The following ARL14 variants were observed in gnomAD, a reference collection of about 807,000 sequenced individuals.
ARL14 encodes the protein ARF like GTPase 14.
Under a neutral mutation model 1.1 loss-of-function variants are expected in ARL14, and 3 were observed. The observed-to-expected ratio is 2.82, with a 90% CI of 1.28 to 7.28. The LOEUF (loss-of-function observed/expected upper bound fraction) is 7.28, where lower values mean the gene tolerates loss of function less well. ARL14 is among the 30% of genes most tolerant of loss of function. ARL14 has a pLI of 0.01. For missense variants in ARL14, 264 were observed against 223.8 expected, an observed-to-expected ratio of 1.18 and a Z score of -1.15; for synonymous variants, 99 against 84.6, an observed-to-expected ratio of 1.17 and a Z score of -0.93.
At position 160,678,276 on chromosome 3, in the gene ARL14, A is replaced by G. The variant is rs938464570; in HGVS notation, c.*351A>G. 1 of 198,770 alleles carries G rather than the reference A, an allele frequency of 5.0e-6. No homozygotes were observed. The highest frequency in any genetic ancestry group is 1.3e-4 in the East Asian group (1 of 7,510). 12.3% of individuals were successfully genotyped at this position (198,770 alleles called of 1,614,324 possible). A position where few individuals can be genotyped will look rare whatever the true frequency, so the allele number is the denominator to read the frequency against. On this transcript the variant is annotated 3_prime_UTR_variant, in exon 1 of 1. Transcript: ENST00000320767. ...TAGTAAGCTGTCTGCTAATAGAGTC[A>G]GAATTCTTCCAGATTGTTTCCAGCT...
Position 160,677,980 on chromosome 3 carries a change from T to C in ARL14, c.*55T>C. 6.9e-7 allele frequency: 1 copy of C among 1,448,818 alleles called. No homozygotes were observed. The highest frequency in any genetic ancestry group is 9.3e-7 in the Non-Finnish European group (1 of 1,073,930). The allele number at this position is 1,448,818 out of a possible 1,614,324, so 89.7% of individuals were successfully genotyped here. Reference sequence around the variant, plus strand: ...ACACTGATGAAGTTGAAAGGGTAATTGTTTTTCCATGCCAAATGAGGAAAT... The same window carrying C: ...ACACTGATGAAGTTGAAAGGGTAATCGTTTTTCCATGCCAAATGAGGAAAT... On this transcript the variant is annotated 3_prime_UTR_variant, in exon 1 of 1. Transcript: ENST00000320767.
Position 160,677,305 on chromosome 3 carries a change from A to AAAG in ARL14, c.-40_-39insGAA, listed in dbSNP as rs757755203. ...CCATTCGAAGAAAGAAAGAAAGAAA[A>AAAG]AAAAAAAAGGTATTTAGAGACAGAG... On this transcript the variant is annotated 5_prime_UTR_variant, in exon 1 of 1. Coordinates refer to ENST00000320767, the MANE Select transcript of ARL14 (RefSeq NM_025047.3). The AAAG allele has an allele frequency of 5.3e-5, 78 of 1,476,972 alleles. No homozygotes were observed. The highest frequency in any genetic ancestry group is 4.0e-4 in the African/African-American group (28 of 70,118). 91.5% of individuals were successfully genotyped at this position (1,476,972 alleles called of 1,614,324 possible). A position where few individuals can be genotyped will look rare whatever the true frequency, so the allele number is the denominator to read the frequency against.
rs1222713117 is a variant in ARL14 at position 160,677,717 on chromosome 3, A to T, written c.371A>T (p.Lys124Ile). Residue 124 changes from lysine to isoleucine, a missense_variant, in exon 1 of 1, where the codon AAA becomes ATA. Lys to Ile is a moderately radical substitution (Grantham distance 102). Coordinates refer to ENST00000320767, the MANE Select transcript of ARL14 (RefSeq NM_025047.3). ...KNVPVVLLAN[K>I]QDMPGALTAE... The stretch of plus-strand genomic sequence containing the variant: ...GTGCCTGTTGTTCTATTAGCCAACA[A>T]ACAAGACATGCCTGGAGCTCTGACT... 3 of 1,614,182 alleles carry T rather than the reference A, an allele frequency of 1.9e-6. No homozygotes were observed. The highest frequency in any genetic ancestry group is 2.5e-6 in the Non-Finnish European group (3 of 1,180,024).
Sources: gnomAD v4.1 joint callset for allele counts on GRCh38, gnomAD v4.1.1 for gene constraint, MANE v1.5 for transcripts, NCBI Gene and HGNC (gene_info 2026-07-23, HGNC 2026-07-21) for gene names.